Variants in DCDC2 observed in about 807,000 individuals in gnomAD.
The protein encoded by DCDC2 is doublecortin domain-containing protein 2.
Under a neutral mutation model 50.2 loss-of-function variants are expected in DCDC2, and 40 were observed. The ratio of observed to expected loss-of-function variants is 0.80; its 90% CI spans 0.62 to 1.04. The LOEUF is 1.04. DCDC2 is among the 50% of genes least tolerant of loss of function. DCDC2 has a pLI of 0.00. For missense variants in DCDC2, 570 were observed against 581.9 expected (o/e 0.98, Z 0.21); for synonymous variants, 234 against 210.6 (o/e 1.11, Z -0.96).
chr6:24,288,741 C>A, intron 6 of DCDC2, 111 bp downstream of exon 6: 1 of 920,886 alleles, frequency 1.1e-6, no homozygotes, highest in Non-Finnish European at 1.8e-6. Flanking sequence ...TGGTTATACA[C>A]CACGAAGCGG....
chr6:24,289,008 T>C, intron 5 of DCDC2, 102 bp from the exon 6 acceptor site: 1 of 804,036 alleles, frequency 1.2e-6, no homozygotes. Flanking sequence ...TGTTTACTGC[T>C]GTGTTTCACA....
At chr6:24,260,271 G>A (rs546369727) in intron 7 of DCDC2, among the ~76,000 whole-genome samples, 64 of 152,158 alleles carry the variant, frequency 4.2e-4, no homozygotes, top group Admixed American at 3.3e-3. Flanking sequence ...ATGGGTTGCC[G>A]GTTCCCACCT....
chr6:24,370,684 CCT>C, the DCDC2 span, among the ~76,000 whole-genome samples: 1 of 151,920 alleles, frequency 6.6e-6, no homozygotes, highest in Non-Finnish European at 1.5e-5. Context: ...CACTCTAGCC[CCT>C]GTGGCAAAGA....
chr6:24,378,261 T>G, the DCDC2 span, among the ~76,000 whole-genome samples: 4 of 152,144 alleles, frequency 2.6e-5, no homozygotes, highest in East Asian at 7.7e-4. Context: ...ATTCGGCACT[T>G]GTGTGTGTTT....
intron 7 of DCDC2, among the ~76,000 whole-genome samples, chr6:24,214,962 T>G (rs561245765): frequency 3.3e-5 from 5 of 152,174 alleles, no homozygotes; most frequent in Non-Finnish European, 7.3e-5. Flanking sequence ...CTCCCACATG[T>G]GCTAGACACC....
chr6:24,247,850 G>A lies in DCDC2; in HGVS notation c.922+30199C>T, dbSNP rs534473322. 5.3e-5 allele frequency among the ~76,000 whole-genome samples: 8 copies of A among 152,254 alleles called. No individual in the cohort carries two copies. The South Asian group carries it at 1.7e-3, about 32-fold the overall frequency. On this transcript the variant is annotated intron_variant, in intron 7 of 9. Transcript: ENST00000378454. The stretch of plus-strand genomic sequence containing the variant: ...AGCACTTTGGGAGGCTGAAGCGGGT[G>A]GATCACCTGAGGTCAGGAGTTCAAG...
intron 7 of DCDC2, among the ~76,000 whole-genome samples, chr6:24,253,782 C>G (rs1005424148): frequency 2.0e-5 from 3 of 152,156 alleles, no homozygotes; most frequent in Non-Finnish European, 4.4e-5. Context: ...CTGGGTGAGT[C>G]AGTGAGTCAG....
intron 2 of DCDC2, among the ~76,000 whole-genome samples, chr6:24,336,395 T>C (rs1760057892): frequency 6.6e-6 from 1 of 152,230 alleles, no homozygotes; most frequent in Non-Finnish European, 1.5e-5. Flanking sequence ...TATCTCTCAG[T>C]CTTTGTGAAA....
At chr6:24,285,851 G>A (rs1232721343) in intron 6 of DCDC2, among the ~76,000 whole-genome samples, 1 of 151,984 alleles carries the variant, frequency 6.6e-6, no homozygotes, top group African/African-American at 2.4e-5. Context: ...CTGTGACTTG[G>A]GATCAATTTA....
chr6:24,263,168 G>A (rs1763050207), intron 7 of DCDC2, among the ~76,000 whole-genome samples: 1 of 152,184 alleles, frequency 6.6e-6, no homozygotes, highest in Non-Finnish European at 1.5e-5. Context: ...GCATTACTCG[G>A]CTTGAGGTGC....
intron 7 of DCDC2, among the ~76,000 whole-genome samples, chr6:24,213,069 T>C (rs1179953839): frequency 6.6e-6 from 1 of 152,194 alleles, no homozygotes. Context: ...TAATTAATGA[T>C]ACTTTCAAGT....
At chr6:24,295,220 A>G (rs1763835801) in intron 4 of DCDC2, among the ~76,000 whole-genome samples, 1 of 152,274 alleles carries the variant, frequency 6.6e-6, no homozygotes, top group African/African-American at 2.4e-5. Context: ...TAAAACAAAA[A>G]CCATATGATT....
At chr6:24,362,698 C>T (rs1308089928), upstream of DCDC2, among the ~76,000 whole-genome samples, 3 of 152,156 alleles carry the variant, frequency 2.0e-5, 1 homozygote, top group Admixed American at 1.3e-4. Context: ...GCAGCCTAGA[C>T]TCGAAACGTT....
the DCDC2 span, among the ~76,000 whole-genome samples, chr6:24,367,076 T>TC: frequency 6.6e-6 from 1 of 151,932 alleles, no homozygotes; most frequent in African/African-American, 2.4e-5. Flanking sequence ...TCTCAAGCAA[T>TC]CCCCCCATCT....
At chr6:24,240,808 C>T (rs562138847) in intron 7 of DCDC2, among the ~76,000 whole-genome samples, 153 of 152,208 alleles carry the variant, frequency 1.0e-3, no homozygotes, top group African/African-American at 3.5e-3. Flanking sequence ...TTTAGGCTAT[C>T]GTAACACTTC....
intron 7 of DCDC2, among the ~76,000 whole-genome samples, chr6:24,233,067 A>G (rs141375923): frequency 2.0e-5 from 3 of 152,356 alleles, no homozygotes; most frequent in African/African-American, 4.8e-5. Flanking sequence ...AGGGGACACA[A>G]ACTCTGTGAG....
chr6:24,279,260 C>G (rs996175444), intron 6 of DCDC2, among the ~76,000 whole-genome samples: 2 of 152,006 alleles, frequency 1.3e-5, no homozygotes, highest in South Asian at 4.1e-4. Flanking sequence ...TCCCAGCTAC[C>G]TAGGAGGCAG....
chr6:24,178,118 A>G (rs1460157748), intron 9 of DCDC2, among the ~76,000 whole-genome samples: 1 of 152,226 alleles, frequency 6.6e-6, no homozygotes, highest in Non-Finnish European at 1.5e-5. Context: ...GAATGGCAGA[A>G]GGGCAGACAC....
chr6:24,344,190 C>T (rs988137543), intron 2 of DCDC2, among the ~76,000 whole-genome samples: 4 of 152,044 alleles, frequency 2.6e-5, no homozygotes, highest in African/African-American at 4.8e-5. Flanking sequence ...TTAGATTCCA[C>T]ATGTGAGCTT....
Sources: gnomAD v4.1 joint callset for allele counts (sites outside exome capture counted in the v4.1 genomes callset) on GRCh38, gnomAD v4.1.1 for gene constraint, MANE v1.5 for transcripts, NCBI Gene and HGNC (gene_info 2026-07-23, HGNC 2026-07-21) for gene names.